The following DNAH17 variants were observed in gnomAD, a reference collection of about 807,000 sequenced individuals.
DNAH17 encodes the protein axonemal beta dynein heavy chain 17.
A neutral mutation model predicts 485.6 loss-of-function variants in DNAH17; 376 were observed. The observed-to-expected ratio is 0.77, with a 90% CI of 0.71 to 0.84. The LOEUF is 0.84. DNAH17 is among the 40% of genes least tolerant of loss of function. DNAH17 has a pLI of 0.00. For synonymous variants in DNAH17, 3,031 were observed against 2,405.9 expected, an observed-to-expected ratio of 1.26 and a Z score of -7.60; for missense variants, 6,370 against 5,839.3, an observed-to-expected ratio of 1.09 and a Z score of -2.96.
chr17:78,445,788 G>A, intron 69 of DNAH17, 108 bp from the exon 70 acceptor site: 2 of 1,300,018 alleles, frequency 1.5e-6, no homozygotes, highest in African/African-American at 1.5e-5. Context: ...GCCTGCAGGG[G>A]GCGCCCTGTC....
intron 47 of DNAH17, 23 bp downstream of exon 47, chr17:78,485,527 G>T: frequency 6.4e-7 from 1 of 1,555,258 alleles, no homozygotes; most frequent in East Asian, 2.4e-5. Context: ...CGGGTAGGCA[G>T]GGCGTGGCCG....
chr17:78,555,426 G>A (rs906833142), intron 14 of DNAH17, among the ~76,000 whole-genome samples: 2 of 150,998 alleles, frequency 1.3e-5, no homozygotes, highest in Non-Finnish European at 1.5e-5. Context: ...CTAACCAGCT[G>A]GAGAAAGGTG....
At chr17:78,524,951 CG>C in intron 25 of DNAH17, 57 bp downstream of exon 25, 3 of 1,552,612 alleles carry the variant, frequency 1.9e-6, no homozygotes. Context: ...CTCTTGTTGC[CG>C]GGGGCAGCTC....
intron 1 of DNAH17, among the ~76,000 whole-genome samples, chr17:78,575,907 A>G (rs901321637): frequency 6.6e-6 from 1 of 152,256 alleles, no homozygotes; most frequent in East Asian, 1.9e-4. Context: ...AGTTTCAAAT[A>G]AAGACAGGCT....
chr17:78,463,867 G>C (rs1287192048), intron 56 of DNAH17, among the ~76,000 whole-genome samples: 1 of 150,718 alleles, frequency 6.6e-6, no homozygotes, highest in East Asian at 1.9e-4. Context: ...AGACATTTCA[G>C]GGTATATATA....
intron 58 of DNAH17, among the ~76,000 whole-genome samples, chr17:78,460,834 C>G (rs1326984145): frequency 1.3e-5 from 2 of 152,144 alleles, no homozygotes; most frequent in African/African-American, 4.8e-5. Flanking sequence ...GAGTGTATAG[C>G]TCACACCCCT....
At position 78,425,489 on chromosome 17, in the gene DNAH17, G is replaced by A. The variant is rs1004148752; in HGVS notation, c.12998C>T (p.Thr4333Met). 2.2e-5 allele frequency: 36 copies of A among 1,613,850 alleles called. No individual in the cohort carries two copies. The highest frequency in any genetic ancestry group is 2.8e-5 in the Non-Finnish European group (33 of 1,179,928). The change falls in exon 80 of 81, where the codon ACG becomes ATG. Residue 4333 changes from threonine (T) to methionine (M), a missense_variant. Physicochemically the swap from Thr to Met is moderately conservative, Grantham distance 81 (BLOSUM62 -1). Coordinates refer to ENST00000389840, the MANE Select transcript of DNAH17 (RefSeq NM_173628.4). Reference sequence around the variant, plus strand: ...CCTGGCCATGGACTGCATGATGGCCGTGAGGAACGACTGGGGGTTGAAGAA... The same window carrying A: ...CCTGGCCATGGACTGCATGATGGCCATGAGGAACGACTGGGGGTTGAAGAA... ...AGFFNPQSFL[T>M]AIMQSMARKN...
Position 78,427,252 on chromosome 17 carries a change from G to C in DNAH17, c.12589-144C>G, listed in dbSNP as rs2086508600. On this transcript the variant is annotated intron_variant, in intron 77 of 80. Coordinates refer to ENST00000389840, the MANE Select transcript of DNAH17 (RefSeq NM_173628.4). ...CAAGTAGAGTTGCCAGAAATGCAGG[G>C]TCATGGGTGCAGCCACACATTTGAT... 6 of 751,062 alleles carry C rather than the reference G, an allele frequency of 8.0e-6. No homozygotes were observed. The South Asian group carries it at 1.0e-4, about 13-fold the overall frequency. The allele number at this position is 751,062 out of a possible 1,614,324, so 46.5% of individuals were successfully genotyped here.
rs7212368 is a variant in DNAH17 at position 78,501,461 on chromosome 17, C to T, written c.5323-117G>A. The T allele has an allele frequency of 0.051, 64,643 of 1,256,574 alleles. 2,170 individuals carry two copies. Among genetic ancestry groups the T allele is most frequent in the African/African-American group, 0.15 (9,728 of 66,660 alleles). The allele number at this position is 1,256,574 out of a possible 1,614,324, so 77.8% of individuals were successfully genotyped here. On this transcript the variant is annotated intron_variant, in intron 34 of 80. Transcript: ENST00000389840. ...TGCTGCCCAGGGAACCCTCCCTGGC[C>T]CTCTTTCCCCCTCCAGCACCCACAT...
At chr17:78,440,449 G>A (rs966073596) in intron 72 of DNAH17, among the ~76,000 whole-genome samples, 3 of 151,696 alleles carry the variant, frequency 2.0e-5, no homozygotes, top group African/African-American at 4.8e-5. Flanking sequence ...TTGTAGAGAC[G>A]GGGTTTTGCC....
At chr17:78,444,829 T>C in intron 70 of DNAH17, 32 bp from the exon 71 acceptor site, 1 of 1,534,342 alleles carries the variant, frequency 6.5e-7, no homozygotes. Flanking sequence ...CCTGTGACTC[T>C]TCCCACTTAC....
In DNAH17 at chr17:78,569,486, C is replaced by G. The variant is rs746530497; in HGVS notation, c.1086G>C (p.Leu362=). The G allele has an allele frequency of 2.1e-5, 34 of 1,610,294 alleles. No homozygotes were observed. Among genetic ancestry groups the G allele is most frequent in the Non-Finnish European group, 2.9e-5 (34 of 1,178,242 alleles). Reference sequence around the variant, plus strand: ...TCAGGACTTCCTCGATTTCACCTTGCAGGCCCTTCAGCACCTCTTCCGGGC... The same window carrying G: ...TCAGGACTTCCTCGATTTCACCTTGGAGGCCCTTCAGCACCTCTTCCGGGC... ...FLSPEEVLKG[L]QGEIEEVLSG... The change falls in exon 8 of 81, where the codon CTG becomes CTC. Residue 362 remains leucine (L), a synonymous_variant. Coordinates refer to ENST00000389840, the MANE Select transcript of DNAH17 (RefSeq NM_173628.4).
At chr17:78,567,618 A>G (rs1211363968) in intron 9 of DNAH17, among the ~76,000 whole-genome samples, 1 of 152,144 alleles carries the variant, frequency 6.6e-6, no homozygotes, top group Admixed American at 6.6e-5. Flanking sequence ...CGTGTCCCGA[A>G]GGTGATCCAA....
chr17:78,472,833 C>G (rs2088827903), intron 54 of DNAH17: 1 of 432,908 alleles, frequency 2.3e-6, no homozygotes, highest in Non-Finnish European at 4.7e-6. Flanking sequence ...CCAGCTCCAC[C>G]CAGGTCACCC....
intron 29 of DNAH17, 106 bp downstream of exon 29, chr17:78,507,172 G>A: frequency 1.5e-6 from 2 of 1,304,536 alleles, no homozygotes; most frequent in Non-Finnish European, 2.1e-6. Context: ...CCATGGTTTT[G>A]CCCTGTCCTG....
chr17:78,484,073 G>A (rs2146637444), intron 48 of DNAH17, among the ~76,000 whole-genome samples: 1 of 110,538 alleles, frequency 9.0e-6, no homozygotes, highest in African/African-American at 3.6e-5. Context: ...TCCAGCCTGA[G>A]AGACAGAGCG....
rs745530312 is a variant in DNAH17 at position 78,480,776 on chromosome 17, G to A, written c.7660C>T (p.His2554Tyr). The A allele has an allele frequency of 1.3e-5, 21 of 1,612,636 alleles. No individual in the cohort carries two copies. Among genetic ancestry groups the A allele is most frequent in the African/African-American group, 6.7e-5 (5 of 74,906 alleles). The change falls in exon 49 of 81, where the codon CAT (histidine) becomes TAT (tyrosine). Residue 2554 changes from histidine (H) to tyrosine (Y), a missense_variant. Transcript: ENST00000389840. Reference sequence around the variant, plus strand: ...TGGATATCTTTTAACGTCAGCTTATGTCTGTCATACCTGAGGGGGGAAACC... The same window carrying A: ...TGGATATCTTTTAACGTCAGCTTATATCTGTCATACCTGAGGGGGGAAACC... Reference protein sequence around the residue: ...HMDHRHWYDRHKLTLKDIHNC... With the variant: ...HMDHRHWYDRYKLTLKDIHNC...
Position 78,468,638 on chromosome 17 carries a change from T to A in DNAH17, c.8757A>T (p.Glu2919Asp). The change falls in exon 55 of 81, where the codon GAA becomes GAT. Residue 2919 changes from glutamate to aspartate, a missense_variant. Physicochemically the swap from Glu to Asp is conservative, Grantham distance 45. Transcript: ENST00000389840. ...TRETCWKFFI[E>D]KVRRQLKVIL... ...CCACCTTGAGCTGTCTGCGCACTTT[T>A]TCGATGAAGAACTTCCAACATGTTT... 6.2e-7 allele frequency: 1 copy of A among 1,613,670 alleles called. No homozygotes were observed.
intron 14 of DNAH17, among the ~76,000 whole-genome samples, chr17:78,555,716 A>G (rs1459365302): frequency 6.6e-6 from 1 of 152,048 alleles, no homozygotes; most frequent in Non-Finnish European, 1.5e-5. Flanking sequence ...ATGGTTTCTG[A>G]GGTGCGTGAG....
Sources: allele counts gnomAD v4.1 joint callset (sites outside exome capture counted in the v4.1 genomes callset), GRCh38; gene constraint gnomAD v4.1.1; transcripts MANE v1.5; gene names NCBI Gene and HGNC (gene_info 2026-07-23, HGNC 2026-07-21).